Variants in TRIM22 observed in about 807,000 individuals in gnomAD.
TRIM22 encodes the protein tripartite motif containing 22, also known as E3 ubiquitin-protein ligase TRIM22.
TRIM22 carries 45 observed loss-of-function variants against 53.6 expected under a neutral mutation model. The ratio of observed to expected loss-of-function variants is 0.84; its 90% CI spans 0.66 to 1.08. TRIM22 has a LOEUF of 1.08. TRIM22 is among the 50% of genes least tolerant of loss of function. The pLI, the probability that TRIM22 is intolerant of heterozygous loss-of-function variation, is 0.00. For missense variants in TRIM22, 616 were observed against 590.9 expected (o/e 1.04, Z -0.44); for synonymous variants, 225 against 216.6 (o/e 1.04, Z -0.34).
At position 5,709,591 on chromosome 11, in the gene TRIM22, G is replaced by A. The variant is rs370806410; in HGVS notation, c.1440G>A (p.Pro480=). The change falls in exon 8 of 8, where the codon CCG becomes CCA. Residue 480 remains proline (P), a synonymous_variant. Transcript: ENST00000379965. ...GTCGCTTTTCTCGACCTGCTTATCC[G>A]TATTTCAATCCTTGGAACTGCCTAG... ...SGCRFSRPAY[P]YFNPWNCLVP... 11 of 1,612,544 alleles carry A rather than the reference G, an allele frequency of 6.8e-6. No homozygotes were observed. The highest frequency in any genetic ancestry group is 4.5e-5 in the East Asian group (2 of 44,874).
At chr11:5,696,827 C>T (rs1590313204) in intron 2 of TRIM22, 172 bp downstream of exon 2, 1 of 673,952 alleles carries the variant, frequency 1.5e-6, no homozygotes, top group East Asian at 2.8e-5. Flanking sequence ...CACTGCTGCA[C>T]ATTGTTTTAT....
At chr11:5,690,092 G>C (rs181306107) in intron 1 of TRIM22, among the ~76,000 whole-genome samples, 193 bp downstream of exon 1, 1 of 152,356 alleles carries the variant, frequency 6.6e-6, no homozygotes, top group Admixed American at 6.5e-5. Flanking sequence ...TTAAAGAAGA[G>C]AGGTTTGCAA....
chr11:5,704,846 T>C (rs1257752560), intron 4 of TRIM22, among the ~76,000 whole-genome samples: 3 of 152,230 alleles, frequency 2.0e-5, no homozygotes, highest in Non-Finnish European at 2.9e-5. Flanking sequence ...TTGTATTATA[T>C]TGTGCCCTGT....
chr11:5,694,651 C>A (rs578177935), intron 1 of TRIM22, among the ~76,000 whole-genome samples: 1 of 152,268 alleles, frequency 6.6e-6, no homozygotes, highest in African/African-American at 2.4e-5. Flanking sequence ...TCACTTGATT[C>A]TATTGACACA....
chr11:5,691,573 A>G (rs1323932798), intron 1 of TRIM22, among the ~76,000 whole-genome samples: 1 of 152,212 alleles, frequency 6.6e-6, no homozygotes, highest in Non-Finnish European at 1.5e-5. Context: ...ATAAGACAAT[A>G]TGAGAGGTGG....
At chr11:5,704,703 A>G (rs1853431224) in intron 4 of TRIM22, among the ~76,000 whole-genome samples, 1 of 152,170 alleles carries the variant, frequency 6.6e-6, no homozygotes, top group South Asian at 2.1e-4. Flanking sequence ...TAGCCAACAA[A>G]TCACTACCAA....
chr11:5,704,243 CTTT>C (rs1853422048), intron 4 of TRIM22, among the ~76,000 whole-genome samples: 1 of 148,132 alleles, frequency 6.8e-6, no homozygotes, highest in Non-Finnish European at 1.5e-5. Context: ...CTCTTTTCTT[CTTT>C]ATCTTTCTTT....
rs913470984 is a variant in TRIM22 at position 5,709,893 on chromosome 11, C to A, written c.*245C>A. ...AATCTAGATTCCAGCAGAGTTGGTT[C>A]TTTCTGAGGTCTGCAAGGAAGGGCT... On this transcript the variant is annotated 3_prime_UTR_variant, in exon 8 of 8. Transcript: ENST00000379965. 6.2e-6 allele frequency: 3 copies of A among 487,402 alleles called. No homozygotes were observed. Among genetic ancestry groups the A allele is most frequent in the Non-Finnish European group, 1.1e-5 (3 of 274,666 alleles). 30.2% of individuals were successfully genotyped at this position (487,402 alleles called of 1,614,324 possible). A position where few individuals can be genotyped will look rare whatever the true frequency, so the allele number is the denominator to read the frequency against.
At chr11:5,708,322 G>C (rs1853496938) in intron 6 of TRIM22, 49 bp downstream of exon 6, 1 of 1,534,650 alleles carries the variant, frequency 6.5e-7, no homozygotes, top group African/African-American at 1.4e-5. Flanking sequence ...TTAGTATCAG[G>C]GCTCAATAGG....
intron 1 of TRIM22, among the ~76,000 whole-genome samples, chr11:5,693,170 A>G (rs1203919284): frequency 1.4e-5 from 2 of 143,160 alleles, no homozygotes; most frequent in Non-Finnish European, 3.0e-5. Context: ...TACAGGCTTG[A>G]GCCACAGCGC....
intron 4 of TRIM22, among the ~76,000 whole-genome samples, 161 bp downstream of exon 4, chr11:5,698,706 A>G (rs1341431951): frequency 6.6e-6 from 1 of 152,232 alleles, no homozygotes; most frequent in African/African-American, 2.4e-5. Context: ...CAGGGGTCAC[A>G]GAGATCATTA....
chr11:5,708,715 T>TTTA, intron 7 of TRIM22, 112 bp downstream of exon 7: 2 of 855,722 alleles, frequency 2.3e-6, no homozygotes, highest in Non-Finnish European at 3.2e-6. Context: ...ACCATGTAGT[T>TTTA]CTTTTTTTTT....
chr11:5,699,724 CTTT>C (rs71053299), intron 4 of TRIM22, among the ~76,000 whole-genome samples: 20 of 134,514 alleles, frequency 1.5e-4, no homozygotes, highest in Admixed American at 2.2e-4. Flanking sequence ...TGATTATTTC[CTTT>C]TTTTTTTTTT....
At chr11:5,697,767 G>A (rs560442069) in intron 3 of TRIM22, 6 of 169,024 alleles carry the variant, frequency 3.5e-5, no homozygotes, top group East Asian at 1.6e-4. Context: ...GTAGTGGCGC[G>A]ATCTTGGCTC....
At chr11:5,700,851 T>C (rs1853363493) in intron 4 of TRIM22, among the ~76,000 whole-genome samples, 1 of 152,006 alleles carries the variant, frequency 6.6e-6, no homozygotes, top group Admixed American at 6.6e-5. Flanking sequence ...TTTGAACTCC[T>C]GACCTCAGAT....
At chr11:5,692,186 G>T (rs1315585674) in intron 1 of TRIM22, among the ~76,000 whole-genome samples, 1 of 152,152 alleles carries the variant, frequency 6.6e-6, no homozygotes, top group African/African-American at 2.4e-5. Context: ...GAGGATAAAT[G>T]TAAAACCAAT....
intron 4 of TRIM22, among the ~76,000 whole-genome samples, chr11:5,705,215 C>T (rs1455961849): frequency 1.3e-5 from 2 of 152,114 alleles, no homozygotes; most frequent in African/African-American, 2.4e-5. Flanking sequence ...CAATTGGAGT[C>T]GATGGTTTGC....
intron 1 of TRIM22, chr11:5,691,200 G>C (rs1479534631): frequency 6.6e-6 from 1 of 152,236 alleles, no homozygotes; most frequent in Non-Finnish European, 1.5e-5. Flanking sequence ...GGGTTTATTC[G>C]GCCAGGGGCA....
chr11:5,696,041 T>C (rs1436367910), intron 1 of TRIM22, 126 bp from the exon 2 acceptor site: 3 of 493,218 alleles, frequency 6.1e-6, no homozygotes, highest in Middle Eastern at 1.1e-3. Context: ...CATTGGTTTA[T>C]TCTTCATGCC....
Sources: allele counts gnomAD v4.1 joint callset (sites outside exome capture counted in the v4.1 genomes callset), GRCh38; gene constraint gnomAD v4.1.1; transcripts MANE v1.5; gene names NCBI Gene and HGNC (gene_info 2026-07-23, HGNC 2026-07-21).